GDPD4: variants seen among roughly 807,000 people sequenced by gnomAD.
GDPD4 encodes the protein glycerophosphodiester phosphodiesterase 6.
In GDPD4, 60 loss-of-function variants were observed where a neutral mutation model predicts 67.8. That is an observed-to-expected ratio of 0.88 (90% CI 0.72 to 1.10). The LOEUF (loss-of-function observed/expected upper bound fraction) is 1.10. Ranked by LOEUF, GDPD4 falls within the 50% of genes least tolerant of loss-of-function variation. The pLI is 0.00. For missense variants in GDPD4, 623 were observed against 613.9 expected (o/e 1.01, Z -0.16); for synonymous variants, 212 against 210.9 (o/e 1.00, Z -0.04).
In GDPD4 at chr11:77,216,831, AT is replaced by A; in HGVS notation, c.*445del. Reference sequence around the variant, plus strand: ...GGAAGAAGCAGGGGAGATGTGGCTAATTCTTCTTTGGAAACACAGAAGGCTA... The same window carrying A: ...GGAAGAAGCAGGGGAGATGTGGCTAATCTTCTTTGGAAACACAGAAGGCTA... On this transcript the variant is annotated 3_prime_UTR_variant, in exon 17 of 17. Coordinates refer to ENST00000315938, the MANE Select transcript of GDPD4 (RefSeq NM_182833.3). The A allele has an allele frequency of 1.6e-6, 1 of 624,482 alleles. No individual in the cohort carries two copies. The highest frequency in any genetic ancestry group is 1.9e-5 in the South Asian group (1 of 52,412). The allele number at this position is 624,482 out of a possible 1,614,324, so 38.7% of individuals were successfully genotyped here. A position where few individuals can be genotyped will look rare whatever the true frequency, so the allele number is the denominator to read the frequency against.
At chr11:77,279,284 A>C in intron 4 of GDPD4, 22 bp downstream of exon 4, 1 of 1,496,220 alleles carries the variant, frequency 6.7e-7, no homozygotes, top group Non-Finnish European at 9.3e-7. Flanking sequence ...AGGGAGTGGA[A>C]GAAATGAGAA....
intron 1 of GDPD4, among the ~76,000 whole-genome samples, chr11:77,300,194 C>T (rs1483543580): frequency 6.6e-6 from 1 of 152,114 alleles, no homozygotes; most frequent in Non-Finnish European, 1.5e-5. Flanking sequence ...CGCCAAACCA[C>T]TCACCCCGTC....
At chr11:77,300,652 A>G (rs1257070039) in intron 1 of GDPD4, among the ~76,000 whole-genome samples, 1 of 152,250 alleles carries the variant, frequency 6.6e-6, no homozygotes, top group Non-Finnish European at 1.5e-5. Flanking sequence ...AGTGTACTTT[A>G]AAATGGACAT....
chr11:77,288,911 C>T (rs954716025), intron 1 of GDPD4, among the ~76,000 whole-genome samples: 1 of 151,084 alleles, frequency 6.6e-6, no homozygotes, highest in Non-Finnish European at 1.5e-5. Context: ...ACAAAGAAAT[C>T]AGAAAAACAA....
chr11:77,226,248 T>G (rs1369584270), intron 16 of GDPD4, among the ~76,000 whole-genome samples: 1 of 152,128 alleles, frequency 6.6e-6, no homozygotes, highest in Non-Finnish European at 1.5e-5. Context: ...GCTGGATTAT[T>G]GTTATGGGCT....
At position 77,216,876 on chromosome 11, in the gene GDPD4, A is replaced by G. The variant is rs148196801; in HGVS notation, c.*401T>C. 5.7e-5 allele frequency: 38 copies of G among 672,516 alleles called. No individual in the cohort carries two copies. In the East Asian group the frequency reaches 1.0e-3, roughly 18 times the overall value. The allele number at this position is 672,516 out of a possible 1,614,324, so 41.7% of individuals were successfully genotyped here. A position where few individuals can be genotyped will look rare whatever the true frequency, so the allele number is the denominator to read the frequency against. On this transcript the variant is annotated 3_prime_UTR_variant, in exon 17 of 17. Coordinates refer to ENST00000315938, the MANE Select transcript of GDPD4 (RefSeq NM_182833.3). The stretch of plus-strand genomic sequence containing the variant: ...AAGGCTATGTCAGATGCAATGGAAT[A>G]TATTGTGACATAGGATTATTTGGAG...
At chr11:77,266,787 G>T (rs1303283455) in intron 10 of GDPD4, among the ~76,000 whole-genome samples, 1 of 152,054 alleles carries the variant, frequency 6.6e-6, no homozygotes, top group Non-Finnish European at 1.5e-5. Context: ...TAGAGAATAA[G>T]GTTATAAAGA....
At chr11:77,298,511 T>TAA (rs1565551538) in intron 1 of GDPD4, among the ~76,000 whole-genome samples, 4 of 151,776 alleles carry the variant, frequency 2.6e-5, no homozygotes, top group Non-Finnish European at 5.9e-5. Flanking sequence ...AAATTTTTTT[T>TAA]AAAAACATTT....
intron 1 of GDPD4, among the ~76,000 whole-genome samples, chr11:77,297,395 GC>G (rs904548288): frequency 2.0e-5 from 3 of 151,946 alleles, no homozygotes; most frequent in African/African-American, 7.3e-5. Flanking sequence ...AATTAGCCAG[GC>G]GCGGTGGCTG....
chr11:77,280,721 C>T (rs1025381698), intron 3 of GDPD4, among the ~76,000 whole-genome samples: 22 of 152,286 alleles, frequency 1.4e-4, no homozygotes, highest in African/African-American at 5.3e-4. Flanking sequence ...GTTCCCACCC[C>T]CCAGCTATGG....
At chr11:77,273,925 T>C (rs1032109666) in intron 5 of GDPD4, among the ~76,000 whole-genome samples, 1 of 152,218 alleles carries the variant, frequency 6.6e-6, no homozygotes, top group African/African-American at 2.4e-5. Context: ...GTGGCCATCC[T>C]GTATGCCTGA....
In GDPD4 at chr11:77,289,803, AGGAGGGAGGGAAGGAAG is replaced by A. The variant is rs1410766264; in HGVS notation, c.-253-2400_-253-2384del. Among the ~76,000 whole-genome samples, 370 of 95,372 alleles carry A rather than the reference AGGAGGGAGGGAAGGAAG, an allele frequency of 3.9e-3. 2 individuals are homozygous for A. Among genetic ancestry groups the A allele is most frequent in the African/African-American group, 0.013 (341 of 26,482 alleles). The allele number at this position is 95,372 out of a possible 152,430, so 62.6% of individuals were successfully genotyped here. A position where few individuals can be genotyped will look rare whatever the true frequency, so the allele number is the denominator to read the frequency against. ...GAGGGGAGGGAAAGAGAGAGAGAGAAGGAGGGAGGGAAGGAAGGGAGGGAGGGAGGGGAAGGAAAGGA... is the reference window on the plus strand; with the variant it reads ...GAGGGGAGGGAAAGAGAGAGAGAGAAGGAGGGAGGGAGGGGAAGGAAAGGA... On this transcript the variant is annotated intron_variant, in intron 1 of 16. Coordinates refer to ENST00000315938, the MANE Select transcript of GDPD4 (RefSeq NM_182833.3).
rs750254734 is a variant in GDPD4, at chr11:77,269,081, G to A, written c.479-12C>T. ...AGGCACTTGTAGACCTGAAAAATTT[G>A]AAAGGAAGGGGAAGTGGGGGAAAAA... is the stretch of plus-strand genomic sequence containing the variant. On this transcript the variant is annotated splice_polypyrimidine_tract_variant and intron_variant, in intron 8 of 16. Coordinates refer to ENST00000315938, the MANE Select transcript of GDPD4 (RefSeq NM_182833.3). 1 of 1,611,262 alleles carries A rather than the reference G, an allele frequency of 6.2e-7. No individual in the cohort carries two copies. The highest frequency in any genetic ancestry group is 1.7e-5 in the Admixed American group (1 of 59,440).
intron 15 of GDPD4, among the ~76,000 whole-genome samples, 170 bp from the exon 16 acceptor site, chr11:77,228,086 A>C (rs1185096847): frequency 1.3e-5 from 2 of 152,230 alleles, no homozygotes; most frequent in Non-Finnish European, 2.9e-5. Flanking sequence ...TAAAAAGATT[A>C]TGGGCGAGGC....
intron 3 of GDPD4, among the ~76,000 whole-genome samples, chr11:77,283,827 G>C (rs1039262373): frequency 7.4e-5 from 11 of 148,260 alleles, no homozygotes; most frequent in African/African-American, 2.7e-4. Context: ...TTTTGAGAAA[G>C]TACTTTGGCA....
intron 13 of GDPD4, among the ~76,000 whole-genome samples, chr11:77,242,023 T>A (rs2135841332): frequency 6.6e-6 from 1 of 152,226 alleles, no homozygotes; most frequent in East Asian, 1.9e-4. Context: ...AAAAGTAGAA[T>A]GTTGGTTACC....
intron 11 of GDPD4, among the ~76,000 whole-genome samples, chr11:77,248,404 C>T (rs1474229604): frequency 3.9e-5 from 6 of 151,938 alleles, no homozygotes; most frequent in Admixed American, 3.3e-4. Flanking sequence ...GGTTTCACCA[C>T]GTTGGCCAGG....
At chr11:77,248,502 CA>C (rs1225517095) in intron 11 of GDPD4, among the ~76,000 whole-genome samples, 2 of 151,850 alleles carry the variant, frequency 1.3e-5, no homozygotes, top group Non-Finnish European at 2.9e-5. Context: ...GCCCGGCCAA[CA>C]ATACAATTTT....
intron 14 of GDPD4, among the ~76,000 whole-genome samples, chr11:77,230,431 C>A (rs775068357): frequency 6.6e-6 from 1 of 152,128 alleles, no homozygotes; most frequent in African/African-American, 2.4e-5. Context: ...CAAAATAGAT[C>A]ATTAAAGAAT....
Sources: gnomAD v4.1 joint callset for allele counts (sites outside exome capture counted in the v4.1 genomes callset) on GRCh38, gnomAD v4.1.1 for gene constraint, MANE v1.5 for transcripts, NCBI Gene and HGNC (gene_info 2026-07-23, HGNC 2026-07-21) for gene names.